Variants in CELF4 observed in about 807,000 individuals in gnomAD.
CELF4 encodes CUG-BP- and ETR-3-like factor 4.
Under a neutral mutation model 59.9 loss-of-function variants are expected in CELF4, and 18 were observed. The ratio of observed to expected loss-of-function variants is 0.30; its 90% CI spans 0.21 to 0.45. CELF4 has a LOEUF of 0.45. Ranked by LOEUF, CELF4 falls within the 20% of genes least tolerant of loss-of-function variation. CELF4 has a pLI of 1.00. For missense variants in CELF4, 456 were observed against 689.0 expected (o/e 0.66, Z 3.79); for synonymous variants, 261 against 267.1 (o/e 0.98, Z 0.22).
chr18:37,288,943 C>T (rs1248638407), intron 3 of CELF4, among the ~76,000 whole-genome samples: 1 of 152,168 alleles, frequency 6.6e-6, no homozygotes, highest in African/African-American at 2.4e-5. Flanking sequence ...AACAGAGTGG[C>T]ACAAGAGAAT....
intron 2 of CELF4, among the ~76,000 whole-genome samples, chr18:37,411,172 C>A (rs936985333): frequency 2.0e-5 from 3 of 152,108 alleles, no homozygotes; most frequent in Non-Finnish European, 4.4e-5. Flanking sequence ...CCCAAGCTGG[C>A]CTCAAACTCC....
chr18:37,384,086 CGCTCAAT>C (rs2099072416), intron 2 of CELF4, among the ~76,000 whole-genome samples: 1 of 152,052 alleles, frequency 6.6e-6, no homozygotes, highest in Non-Finnish European at 1.5e-5. Context: ...TGGGCAGAGA[CGCTCAAT>C]GCGGGGGTGA....
intron 10 of CELF4, 116 bp from the exon 11 acceptor site, chr18:37,259,380 T>C: frequency 3.9e-6 from 1 of 257,186 alleles, no homozygotes; most frequent in African/African-American, 2.6e-5. Flanking sequence ...GGGGCAAGGT[T>C]AGGAGGGGGA....
rs561464294 is a variant in CELF4 at position 37,243,186 on chromosome 18, C to CTTTTTTTTT, written c.*2047_*2055dup. 722 of 100,316 alleles carry CTTTTTTTTT rather than the reference C, an allele frequency of 7.2e-3. No individual in the cohort carries two copies. The highest frequency in any genetic ancestry group is 0.019 in the African/African-American group (462 of 24,022). The allele number at this position is 100,316 out of a possible 1,614,324, so 6.2% of individuals were successfully genotyped here. The stretch of plus-strand genomic sequence containing the variant: ...TGTTTTCTTTTTTTTTTCTTTTTTT[C>CTTTTTTTTT]TTTTTTTTTTTTTTTTTTTTACATC... On this transcript the variant is annotated 3_prime_UTR_variant, in exon 13 of 13. Coordinates refer to ENST00000420428, the MANE Select transcript of CELF4 (RefSeq NM_020180.4).
chr18:37,565,300 G>C, intron 1 of CELF4, 56 bp downstream of exon 1: 1 of 1,456,566 alleles, frequency 6.9e-7, no homozygotes, highest in Non-Finnish European at 9.1e-7. Flanking sequence ...CCGGCCGGTC[G>C]GCCCGCCAGC....
chr18:37,315,004 C>T (rs556115271), intron 3 of CELF4, among the ~76,000 whole-genome samples: 5 of 152,190 alleles, frequency 3.3e-5, no homozygotes, highest in South Asian at 2.1e-4. Context: ...CAATCGGGCC[C>T]GATTCTGCTG....
chr18:37,411,583 A>G (rs2154592185), intron 2 of CELF4, among the ~76,000 whole-genome samples: 1 of 152,356 alleles, frequency 6.6e-6, no homozygotes, highest in Non-Finnish European at 1.5e-5. Context: ...TGATGGGTGA[A>G]GAACGTTAGG....
At position 37,270,856 on chromosome 18, in the gene CELF4, C is replaced by T. The variant is rs753154580; in HGVS notation, c.1011G>A (p.Gly337=). Residue 337 remains glycine (G), a synonymous_variant, in exon 8 of 13, where the codon GGG becomes GGA. Coordinates refer to ENST00000420428, the MANE Select transcript of CELF4 (RefSeq NM_020180.4). ...PAVPSIPSPI[G]VNGFTGLPPQ... is the part of the protein sequence containing the mutation. ...GGGGGAGGCCGGTGAAGCCATTCAC[C>T]CCAATGGGGGATGGGATGCTAGGCA... 12 of 1,613,538 alleles carry T rather than the reference C, an allele frequency of 7.4e-6. No individual in the cohort carries two copies. The highest frequency in any genetic ancestry group is 4.5e-5 in the East Asian group (2 of 44,882).
At chr18:37,308,353 C>A (rs1195117659) in intron 3 of CELF4, among the ~76,000 whole-genome samples, 1 of 152,200 alleles carries the variant, frequency 6.6e-6, no homozygotes, top group Non-Finnish European at 1.5e-5. Context: ...AGGCTTTAAG[C>A]CATGGCTTCT....
At chr18:37,461,997 C>A (rs1624672) in intron 2 of CELF4, among the ~76,000 whole-genome samples, 20,568 of 152,058 alleles carry the variant, frequency 0.14, 1,563 homozygotes, top group Middle Eastern at 0.23. Context: ...CCTGGGAGGA[C>A]CAAGTTTATC....
intron 2 of CELF4, among the ~76,000 whole-genome samples, chr18:37,477,673 G>A (rs1404344840): frequency 6.6e-6 from 1 of 152,080 alleles, no homozygotes; most frequent in Non-Finnish European, 1.5e-5. Context: ...CATTTTTGGG[G>A]CCCCTAAAGA....
In CELF4 at chr18:37,364,534, C is replaced by T. The variant is rs540613315; in HGVS notation, c.370-42653G>A. 2.0e-5 allele frequency among the ~76,000 whole-genome samples: 3 copies of T among 152,290 alleles called. No homozygotes were observed. The South Asian group carries it at 6.2e-4, about 32-fold the overall frequency. ...TCCAGGCTGTGGTCTAGAGGCATGGCTGTGGTCTGCAATCATGAGCCTGGA... is the reference window on the plus strand; with the variant it reads ...TCCAGGCTGTGGTCTAGAGGCATGGTTGTGGTCTGCAATCATGAGCCTGGA... On this transcript the variant is annotated intron_variant, in intron 2 of 12. Coordinates refer to ENST00000420428, the MANE Select transcript of CELF4 (RefSeq NM_020180.4).
At chr18:37,434,836 T>G (rs1375121810) in intron 2 of CELF4, among the ~76,000 whole-genome samples, 2 of 152,168 alleles carry the variant, frequency 1.3e-5, no homozygotes, top group African/African-American at 2.4e-5. Flanking sequence ...TTTGCGATGT[T>G]GCTCCTAAGT....
chr18:37,518,227 G>A (rs1036484779), intron 1 of CELF4, among the ~76,000 whole-genome samples: 2 of 152,140 alleles, frequency 1.3e-5, no homozygotes, highest in African/African-American at 2.4e-5. Flanking sequence ...GCTGGTGGGC[G>A]GGCAAGCGTA....
intron 2 of CELF4, among the ~76,000 whole-genome samples, chr18:37,458,128 C>A (rs1380701401): frequency 2.0e-5 from 3 of 152,186 alleles, no homozygotes; most frequent in Admixed American, 1.3e-4. Context: ...GAGCAAGGAG[C>A]CCTTTCCCGG....
At chr18:37,494,265 A>T (rs2154603598) in intron 1 of CELF4, among the ~76,000 whole-genome samples, 1 of 152,280 alleles carries the variant, frequency 6.6e-6, no homozygotes, top group Non-Finnish European at 1.5e-5. Flanking sequence ...AAAAAAGACA[A>T]AGTGGACGTG....
chr18:37,457,121 C>T (rs149091063), intron 2 of CELF4, among the ~76,000 whole-genome samples: 26 of 152,230 alleles, frequency 1.7e-4, no homozygotes, highest in Non-Finnish European at 3.1e-4. Context: ...TTGCAGAAGC[C>T]GGGGTGCCTC....
At chr18:37,494,071 G>A (rs2154603589) in intron 1 of CELF4, among the ~76,000 whole-genome samples, 1 of 152,270 alleles carries the variant, frequency 6.6e-6, no homozygotes, top group African/African-American at 2.4e-5. Flanking sequence ...TGAGCTCAGG[G>A]CAGCGTGTTC....
At chr18:37,557,024 C>T (rs1293082063) in intron 1 of CELF4, among the ~76,000 whole-genome samples, 1 of 152,178 alleles carries the variant, frequency 6.6e-6, no homozygotes, top group Non-Finnish European at 1.5e-5. Context: ...GACTCCACAA[C>T]TGAATCCAAA....
Sources: allele counts gnomAD v4.1 joint callset (sites outside exome capture counted in the v4.1 genomes callset), GRCh38; gene constraint gnomAD v4.1.1; transcripts MANE v1.5; gene names NCBI Gene and HGNC (gene_info 2026-07-23, HGNC 2026-07-21).